The following SBF2 variants were observed in gnomAD, a reference collection of about 807,000 sequenced individuals.
SBF2 encodes the protein SET binding factor 2, also known as myotubularin-related protein 13.
Under a neutral mutation model 225.2 loss-of-function variants are expected in SBF2, and 112 were observed. The ratio of observed to expected loss-of-function variants is 0.50; its 90% CI spans 0.43 to 0.58. The LOEUF is 0.58. Ranked by LOEUF, SBF2 falls within the 20% of genes least tolerant of loss-of-function variation. SBF2 has a pLI of 0.00. For missense variants in SBF2, 1,996 were observed against 2,206.2 expected (o/e 0.90, Z 1.91); for synonymous variants, 763 against 773.3 (o/e 0.99, Z 0.22).
At chr11:10,140,686 G>C (rs1954602142) in intron 2 of SBF2, among the ~76,000 whole-genome samples, 1 of 152,204 alleles carries the variant, frequency 6.6e-6, no homozygotes, top group Non-Finnish European at 1.5e-5. Context: ...TTTATAGCTA[G>C]TCAGTCAGAA....
chr11:9,788,609 T>A (rs1448608399), intron 35 of SBF2, among the ~76,000 whole-genome samples: 2 of 103,788 alleles, frequency 1.9e-5, no homozygotes, highest in Non-Finnish European at 4.1e-5. Context: ...TTTTTTTTTT[T>A]ACTGAGACGG....
intron 1 of SBF2, among the ~76,000 whole-genome samples, chr11:10,261,029 C>T (rs958508480): frequency 1.3e-5 from 2 of 152,078 alleles, no homozygotes; most frequent in South Asian, 2.1e-4. Flanking sequence ...TGAACAGACC[C>T]TTCACCAAAG....
chr11:10,125,934 C>T (rs1953731745), intron 2 of SBF2, among the ~76,000 whole-genome samples: 1 of 152,122 alleles, frequency 6.6e-6, no homozygotes. Flanking sequence ...GACTGTGTTA[C>T]GGATTTAGGG....
intron 16 of SBF2, among the ~76,000 whole-genome samples, chr11:9,907,233 T>C (rs1862186022): frequency 6.6e-6 from 1 of 152,172 alleles, no homozygotes; most frequent in Admixed American, 6.5e-5. Flanking sequence ...GACCAAACTC[T>C]TCTGCCAGGC....
intron 2 of SBF2, among the ~76,000 whole-genome samples, chr11:10,066,195 A>G (rs898352912): frequency 2.0e-5 from 3 of 152,066 alleles, no homozygotes; most frequent in Non-Finnish European, 4.4e-5. Context: ...AAAAACGGAA[A>G]AATATAGAAT....
intron 2 of SBF2, among the ~76,000 whole-genome samples, chr11:10,095,040 G>C (rs1389097629): frequency 6.6e-6 from 1 of 151,736 alleles, no homozygotes; most frequent in African/African-American, 2.4e-5. Context: ...ATCCTACCTT[G>C]GCTTTCTGAG....
chr11:9,882,765 G>A (rs532965341), intron 17 of SBF2, among the ~76,000 whole-genome samples: 9 of 135,236 alleles, frequency 6.7e-5, no homozygotes, highest in Admixed American at 1.7e-4. Context: ...CTGAGATTGC[G>A]GTACTGCACT....
intron 1 of SBF2, among the ~76,000 whole-genome samples, chr11:10,301,516 A>G (rs1459969821): frequency 6.6e-6 from 1 of 152,220 alleles, no homozygotes; most frequent in African/African-American, 2.4e-5. Flanking sequence ...CCTCAGCTTA[A>G]AAGACATTTT....
At chr11:9,818,842 C>T (rs1485450788) in intron 28 of SBF2, among the ~76,000 whole-genome samples, 1 of 152,168 alleles carries the variant, frequency 6.6e-6, no homozygotes. Flanking sequence ...CTGCCTTAGC[C>T]TCCCGAGTAG....
At chr11:9,926,603 C>A (rs569291352) in intron 16 of SBF2, among the ~76,000 whole-genome samples, 5 of 151,948 alleles carry the variant, frequency 3.3e-5, no homozygotes, top group Non-Finnish European at 7.4e-5. Flanking sequence ...GAAAGATCCA[C>A]GCAAAGAGTA....
Position 9,779,447 on chromosome 11 carries a change from T to TAAAG in SBF2, c.*967_*970dup, listed in dbSNP as rs1050074417. 1.3e-5 allele frequency: 2 copies of TAAAG among 152,644 alleles called. No individual in the cohort carries two copies. Among genetic ancestry groups the TAAAG allele is most frequent in the African/African-American group, 4.8e-5 (2 of 41,464 alleles). 9.5% of individuals were successfully genotyped at this position (152,644 alleles called of 1,614,324 possible). On this transcript the variant is annotated 3_prime_UTR_variant, in exon 40 of 40. Transcript: ENST00000256190. ...ACAAGTTATCAAAGTAAAGAAAATC[T>TAAAG]AAAGACAGTTCTTACTTTTCATGTG...
chr11:9,942,849 A>G (rs1015564550), intron 16 of SBF2, among the ~76,000 whole-genome samples: 1 of 150,594 alleles, frequency 6.6e-6, no homozygotes, highest in Non-Finnish European at 1.5e-5. Context: ...AAAAAAAACA[A>G]AGAAAGAAAG....
At chr11:10,164,696 C>T (rs1955880044) in intron 2 of SBF2, among the ~76,000 whole-genome samples, 1 of 152,110 alleles carries the variant, frequency 6.6e-6, no homozygotes. Flanking sequence ...CAAATGGAAA[C>T]AACCAAACAG....
At position 10,111,111 on chromosome 11, in the gene SBF2, A is replaced by C. The variant is rs1176334397; in HGVS notation, c.142-68130T>G. 3.3e-5 allele frequency among the ~76,000 whole-genome samples: 5 copies of C among 152,212 alleles called. No homozygotes were observed. The East Asian group carries it at 9.6e-4, about 29-fold the overall frequency. On this transcript the variant is annotated intron_variant, in intron 2 of 39. Coordinates refer to ENST00000256190, the MANE Select transcript of SBF2 (RefSeq NM_030962.4). ...AACTTTTGTACAGCTTAGGTTGTCA[A>C]GGATTTAATAAGAATGTTAAAATTA...
intron 16 of SBF2, among the ~76,000 whole-genome samples, chr11:9,925,345 T>A: frequency 6.6e-6 from 1 of 152,058 alleles, no homozygotes; most frequent in Admixed American, 6.5e-5. Flanking sequence ...GTGCGTGATC[T>A]TGGCTCACTG....
chr11:10,004,592 A>C (rs1378973697), intron 6 of SBF2, among the ~76,000 whole-genome samples: 91 of 149,240 alleles, frequency 6.1e-4, no homozygotes, highest in African/African-American at 1.7e-3. Context: ...AAAAAAAAAA[A>C]AAACAAACTA....
chr11:10,181,344 TGAATTTTAGCATTTAA>T (rs1324366225), intron 2 of SBF2, among the ~76,000 whole-genome samples: 1 of 152,096 alleles, frequency 6.6e-6, no homozygotes, highest in Non-Finnish European at 1.5e-5. Context: ...TTTTAATGAA[TGAATTTTAGCATTTAA>T]GAAATAAATA....
intron 2 of SBF2, among the ~76,000 whole-genome samples, chr11:10,090,095 T>C (rs995227918): frequency 6.6e-5 from 10 of 152,150 alleles, no homozygotes; most frequent in Admixed American, 6.5e-5. Flanking sequence ...ACAATACATA[T>C]TGGATGATTC....
intron 2 of SBF2, among the ~76,000 whole-genome samples, chr11:10,100,717 G>GT (rs1304597411): frequency 3.3e-5 from 5 of 152,088 alleles, no homozygotes; most frequent in African/African-American, 4.8e-5. Flanking sequence ...AGGGGTGTTG[G>GT]TTTTTCTGTA....
Sources: gnomAD v4.1 joint callset for allele counts (sites outside exome capture counted in the v4.1 genomes callset) on GRCh38, gnomAD v4.1.1 for gene constraint, MANE v1.5 for transcripts, NCBI Gene and HGNC (gene_info 2026-07-23, HGNC 2026-07-21) for gene names.